Variants in HECTD4 observed in about 807,000 individuals in gnomAD.
The protein encoded by HECTD4 is HECT domain E3 ubiquitin protein ligase 4.
HECTD4 carries 114 observed loss-of-function variants against 471.5 expected under a neutral mutation model. The ratio of observed to expected loss-of-function variants is 0.24; its 90% CI spans 0.21 to 0.28. The LOEUF is 0.28. Ranked by LOEUF, HECTD4 falls within the 10% of genes least tolerant of loss-of-function variation. The pLI, the probability that HECTD4 is intolerant of heterozygous loss-of-function variation, is 1.00. For missense variants in HECTD4, 3,866 were observed against 5,651.5 expected (o/e 0.68, Z 10.13); for synonymous variants, 2,012 against 2,256.0 (o/e 0.89, Z 3.07).
chr12:112,241,158 T>C (rs950045829), intron 32 of HECTD4, among the ~76,000 whole-genome samples: 1 of 152,238 alleles, frequency 6.6e-6, no homozygotes, highest in Non-Finnish European at 1.5e-5. Flanking sequence ...ATTTTCATTG[T>C]ATTTTTTGGC....
In HECTD4 at chr12:112,261,442, TATC is replaced by T. The variant is rs777855431; in HGVS notation, c.2749-16_2749-14del. On this transcript the variant is annotated splice_polypyrimidine_tract_variant and intron_variant, in intron 17 of 75. Transcript: ENST00000682272. The stretch of plus-strand genomic sequence containing the variant: ...TGACTTTTAGCTCCTAGGCAGAAAA[TATC>T]ATCATATTATTTTTAAGCTTTGTGA... The T allele has an allele frequency of 1.3e-5, 21 of 1,588,210 alleles. No individual in the cohort carries two copies. In the East Asian group the frequency reaches 2.5e-4, roughly 19 times the overall value.
Position 112,306,097 on chromosome 12 carries a change from T to C in HECTD4, c.1302A>G (p.Gly434=), listed in dbSNP as rs1187691751. ...CAAAAATGTCCATGAAGACAGAATG[T>C]CCCTTCGGTGTTTTCTCATTCAGGC... The part of the protein sequence containing the change: ...PASLNEKTPK[G]HSVFMDIFEL... Residue 434 remains glycine, a synonymous_variant, in exon 7 of 76, where the codon GGA becomes GGG. Coordinates refer to ENST00000682272, the MANE Select transcript of HECTD4 (RefSeq NM_001388303.1). The C allele has an allele frequency of 6.2e-7, 1 of 1,609,676 alleles. No individual in the cohort carries two copies. Among genetic ancestry groups the C allele is most frequent in the Non-Finnish European group, 8.5e-7 (1 of 1,178,780 alleles).
intron 53 of HECTD4, 51 bp downstream of exon 53, chr12:112,204,434 AC>A (rs1566071256): frequency 1.3e-6 from 2 of 1,553,096 alleles, no homozygotes; most frequent in Non-Finnish European, 1.8e-6. Flanking sequence ...GGAAAATTCA[AC>A]CTCTCATTTC....
Position 112,185,134 on chromosome 12 carries a change from T to C in HECTD4, c.9832A>G (p.Ser3278Gly), listed in dbSNP as rs867782512. 1.5e-5 allele frequency: 23 copies of C among 1,555,184 alleles called. No homozygotes were observed. The Middle Eastern group carries it at 5.0e-4, about 34-fold the overall frequency. ...TLPTNMSVTA[S>G]GVTSATAPNL... is the part of the protein sequence containing the mutation. Reference sequence around the variant, plus strand: ...GGGGCGGTCGCTGAGGTCACCCCACTGGCTGTGACACTCATGTTAGTAGGC... The same window carrying C: ...GGGGCGGTCGCTGAGGTCACCCCACCGGCTGTGACACTCATGTTAGTAGGC... The change falls in exon 61 of 76, where the codon AGT (serine) becomes GGT (glycine). Residue 3278 changes from serine to glycine, a missense_variant. Physicochemically the swap from Ser to Gly is moderately conservative, Grantham distance 56 (BLOSUM62 0). Coordinates refer to ENST00000682272, the MANE Select transcript of HECTD4 (RefSeq NM_001388303.1).
At chr12:112,232,052 T>C (rs1464159223) in intron 38 of HECTD4, among the ~76,000 whole-genome samples, 1 of 152,186 alleles carries the variant, frequency 6.6e-6, no homozygotes, top group Non-Finnish European at 1.5e-5. Flanking sequence ...TTGTTTTTCA[T>C]AGTTGCACAG....
rs189520423 is a variant in HECTD4 at position 112,169,759 on chromosome 12, G to A, written c.12053-101C>T. The A allele has an allele frequency of 3.7e-5, 51 of 1,372,494 alleles. No homozygotes were observed. The East Asian group carries it at 1.0e-3, about 27-fold the overall frequency. 85.0% of individuals were successfully genotyped at this position (1,372,494 alleles called of 1,614,324 possible). ...GCCTAGCAGGCCTGTGCCTGTCCCT[G>A]GACCCCTGCTCCCTCGCTCGGCCCC... is the stretch of plus-strand genomic sequence containing the variant. On this transcript the variant is annotated intron_variant, in intron 69 of 75. Transcript: ENST00000682272.
rs1233044001 is a variant in HECTD4 at position 112,179,222 on chromosome 12, G to A, written c.11163C>T (p.Phe3721=). 2 of 1,613,866 alleles carry A rather than the reference G, an allele frequency of 1.2e-6. No homozygotes were observed. The highest frequency in any genetic ancestry group is 1.7e-5 in the Admixed American group (1 of 59,992). ...CCTTTTTTGGCGGCCGGACATTGGTGAAGAAGAGGTGGAGGAGGTTGCCTG... is the reference window on the plus strand; with the variant it reads ...CCTTTTTTGGCGGCCGGACATTGGTAAAGAAGAGGTGGAGGAGGTTGCCTG... ...QTPGNLLHLF[F]TNVRPPKKVL... is the part of the protein sequence containing the mutation. Residue 3721 remains phenylalanine, a synonymous_variant, in exon 63 of 76, where the codon TTC becomes TTT. Transcript: ENST00000682272. This position sits in a 1 kb window ranked among gnomAD's most constrained non-coding sequence, Gnocchi z 4.3.
At chr12:112,380,522 A>G (rs1168130727) in intron 1 of HECTD4, among the ~76,000 whole-genome samples, 1 of 152,148 alleles carries the variant, frequency 6.6e-6, no homozygotes, top group African/African-American at 2.4e-5. Context: ...AATTAAATCA[A>G]AAGATTCCAC....
intron 60 of HECTD4, among the ~76,000 whole-genome samples, chr12:112,186,341 A>ATT (rs773102015): frequency 0.13 from 15,043 of 111,726 alleles, 1,244 homozygotes; most frequent in African/African-American, 0.23. Flanking sequence ...TTTTTTAATA[A>ATT]TTTTTTTTTT....
Position 112,194,794 on chromosome 12 carries a change from T to C in HECTD4, c.8749+91A>G. 2 of 1,197,498 alleles carry C rather than the reference T, an allele frequency of 1.7e-6. No homozygotes were observed. Among genetic ancestry groups the C allele is most frequent in the Non-Finnish European group, 2.4e-6 (2 of 844,746 alleles). The allele number at this position is 1,197,498 out of a possible 1,614,324, so 74.2% of individuals were successfully genotyped here. A position where few individuals can be genotyped will look rare whatever the true frequency, so the allele number is the denominator to read the frequency against. ...GTGAGCCTATGCGCACCATGAGGCA[T>C]TTCTCGCCCTCATGCAGGGAATGAC... On this transcript the variant is annotated intron_variant, in intron 56 of 75. Transcript: ENST00000682272. This position sits in a 1 kb window ranked among gnomAD's most constrained non-coding sequence, Gnocchi z 4.6.
intron 1 of HECTD4, among the ~76,000 whole-genome samples, chr12:112,378,810 G>A (rs536292182): frequency 2.6e-5 from 4 of 152,184 alleles, no homozygotes; most frequent in East Asian, 3.9e-4. Context: ...TTGGGAGGCC[G>A]AGGCGGGAGG....
intron 54 of HECTD4, 82 bp from the exon 55 acceptor site, chr12:112,200,880 C>T (rs1285474296): frequency 2.5e-5 from 29 of 1,163,402 alleles, no homozygotes; most frequent in Admixed American, 1.2e-4. Flanking sequence ...TGTGTGCGTG[C>T]GTGCGTGTGT....
intron 73 of HECTD4, 57 bp downstream of exon 73, chr12:112,164,052 C>A: frequency 9.4e-6 from 13 of 1,377,228 alleles, no homozygotes; most frequent in Non-Finnish European, 1.1e-5. Flanking sequence ...TGCTGTCATA[C>A]CCTGGCTGGC....
rs188668432 is a variant in HECTD4 at position 112,308,465 on chromosome 12, A to C, written c.1164+288T>G. On this transcript the variant is annotated intron_variant, in intron 6 of 75. Transcript: ENST00000682272. ...AAAAAAACAAAAACAAAACAAAAAA[A>C]AAAAACCAGCTAGTATTTATACCAT... 0.046 allele frequency among the ~76,000 whole-genome samples: 6,936 copies of C among 150,364 alleles called. 802 individuals are homozygous for C. In the East Asian group the frequency reaches 0.54, roughly 12 times the overall value.
intron 7 of HECTD4, among the ~76,000 whole-genome samples, chr12:112,301,000 T>C (rs2035151975): frequency 1.3e-5 from 2 of 152,012 alleles, no homozygotes; most frequent in South Asian, 4.1e-4. Flanking sequence ...TTCTCCTGCC[T>C]CAGCCTCCCG....
At chr12:112,230,422 CAAG>C (rs1308974444) in intron 40 of HECTD4, among the ~76,000 whole-genome samples, 1 of 152,038 alleles carries the variant, frequency 6.6e-6, no homozygotes, top group Non-Finnish European at 1.5e-5. Flanking sequence ...CTAACATAAG[CAAG>C]AAGAAGAGAA....
intron 4 of HECTD4, among the ~76,000 whole-genome samples, chr12:112,311,616 T>A: frequency 8.4e-6 from 1 of 118,706 alleles, no homozygotes; most frequent in African/African-American, 3.3e-5. Flanking sequence ...CGAGACCCCA[T>A]CTCAAAAAAA....
chr12:112,166,570 A>G lies in HECTD4; in HGVS notation c.12534+747T>C, dbSNP rs1241448987. 6.6e-6 allele frequency: 1 copy of G among 152,342 alleles called. No homozygotes were observed. Among genetic ancestry groups the G allele is most frequent in the African/African-American group, 2.4e-5 (1 of 41,454 alleles). The allele number at this position is 152,342 out of a possible 1,614,324, so 9.4% of individuals were successfully genotyped here. A position where few individuals can be genotyped will look rare whatever the true frequency, so the allele number is the denominator to read the frequency against. ...TGGTGCTGGAGAGCCCGGAAGTCAG[A>G]GCAGGCAGCCCTGGGCTCCTGGTGG... On this transcript the variant is annotated intron_variant, in intron 72 of 75. Coordinates refer to ENST00000682272, the MANE Select transcript of HECTD4 (RefSeq NM_001388303.1). The surrounding 1 kb of genome is among the most constrained non-coding windows in gnomAD (Gnocchi z 4.6).
In HECTD4 at chr12:112,303,864, A is replaced by G. The variant is rs1258501022; in HGVS notation, c.1335+2200T>C. Among the ~76,000 whole-genome samples the G allele has an allele frequency of 5.7e-5, 4 of 69,966 alleles. No individual in the cohort carries two copies. In the African/African-American group the frequency reaches 1.1e-3, roughly 20 times the overall value. The allele number at this position is 69,966 out of a possible 152,430, so 45.9% of individuals were successfully genotyped here. A position where few individuals can be genotyped will look rare whatever the true frequency, so the allele number is the denominator to read the frequency against. ...GACCCTCTCTTTCTCTCTCAAAATA[A>G]AAAAAAAAAAGAAAAAAAAAAGGAA... On this transcript the variant is annotated intron_variant, in intron 7 of 75. Coordinates refer to ENST00000682272, the MANE Select transcript of HECTD4 (RefSeq NM_001388303.1).
Sources: allele counts gnomAD v4.1 joint callset (sites outside exome capture counted in the v4.1 genomes callset), GRCh38; gene constraint gnomAD v4.1.1; non-coding constraint Gnocchi (gnomAD v3.1); transcripts MANE v1.5; gene names NCBI Gene and HGNC (gene_info 2026-07-23, HGNC 2026-07-21).